The following FER1L6 variants were observed in gnomAD, a reference collection of about 807,000 sequenced individuals.
FER1L6 encodes fer-1 like family member 6.
FER1L6 carries 177 observed loss-of-function variants against 219.2 expected under a neutral mutation model. The ratio of observed to expected loss-of-function variants is 0.81; its 90% CI spans 0.71 to 0.91. The LOEUF (loss-of-function observed/expected upper bound fraction) is 0.91. FER1L6 is among the 40% of genes least tolerant of loss of function. The pLI is 0.00. For missense variants in FER1L6, 2,153 were observed against 2,259.9 expected, an observed-to-expected ratio of 0.95 and a Z score of 0.96; for synonymous variants, 768 against 824.3, an observed-to-expected ratio of 0.93 and a Z score of 1.17.
intron 1 of FER1L6, among the ~76,000 whole-genome samples, chr8:123,877,739 T>A (rs1817028912): frequency 6.7e-6 from 1 of 149,368 alleles, no homozygotes; most frequent in Non-Finnish European, 1.5e-5. Flanking sequence ...ACGCTTCCTT[T>A]AACTTTGGTT....
chr8:123,965,902 T>C (rs1052414593), intron 3 of FER1L6, 105 bp from the exon 4 acceptor site: 190 of 1,019,808 alleles, frequency 1.9e-4, no homozygotes, highest in Non-Finnish European at 2.6e-4. Context: ...ACAGAATATG[T>C]AATAATATTA....
chr8:124,063,111 G>T (rs1444799047), intron 25 of FER1L6, among the ~76,000 whole-genome samples: 4 of 152,104 alleles, frequency 2.6e-5, no homozygotes, highest in Non-Finnish European at 5.9e-5. Context: ...TCTTCCTTCT[G>T]TGATGCCAGT....
intron 13 of FER1L6, among the ~76,000 whole-genome samples, chr8:124,006,171 G>A (rs1817647337): frequency 6.6e-6 from 1 of 152,208 alleles, no homozygotes; most frequent in African/African-American, 2.4e-5. Flanking sequence ...CTGCATCTTT[G>A]CACTGGGGCC....
intron 19 of FER1L6, among the ~76,000 whole-genome samples, chr8:124,037,510 A>G (rs1280528081): frequency 6.6e-6 from 1 of 152,178 alleles, no homozygotes; most frequent in Non-Finnish European, 1.5e-5. Context: ...ACAGACTTAG[A>G]ATTGAGTCCA....
chr8:123,975,108 G>C, intron 7 of FER1L6, 42 bp from the exon 8 acceptor site: 1 of 1,506,646 alleles, frequency 6.6e-7, no homozygotes, highest in Non-Finnish European at 8.9e-7. Flanking sequence ...GGGCTGCTGG[G>C]CCCATCTGTG....
intron 39 of FER1L6, among the ~76,000 whole-genome samples, chr8:124,113,264 A>T (rs1823094765): frequency 6.6e-6 from 1 of 152,200 alleles, no homozygotes; most frequent in Non-Finnish European, 1.5e-5. Flanking sequence ...CCAAGATTCA[A>T]CACTTGCTAA....
At chr8:123,950,355 T>C (rs1814702460) in intron 1 of FER1L6, among the ~76,000 whole-genome samples, 2 of 152,340 alleles carry the variant, frequency 1.3e-5, no homozygotes, top group African/African-American at 4.8e-5. Context: ...GTGGGCACCG[T>C]TGGCATGCCC....
chr8:123,915,313 C>T (rs754193255), intron 1 of FER1L6, among the ~76,000 whole-genome samples: 1 of 151,846 alleles, frequency 6.6e-6, no homozygotes, highest in African/African-American at 2.4e-5. Flanking sequence ...GGGTGAGGGG[C>T]AGTTTGTCAT....
rs1216018423 is a variant in FER1L6, at chr8:123,977,525, G to A, written c.979G>A (p.Asp327Asn). Residue 327 changes from aspartate to asparagine, a missense_variant, in exon 10 of 41, where the codon GAT becomes AAT. Coordinates refer to ENST00000522917, the MANE Select transcript of FER1L6 (RefSeq NM_001039112.2). ...TCGGAGGGTGAAAATCCAGGTGTGG[G>A]ATGAAGGCAGCATGAATGACGTAGC... ...LCRRVKIQVW[D>N]EGSMNDVALA... 1.2e-6 allele frequency: 2 copies of A among 1,614,076 alleles called. No homozygotes were observed.
At chr8:123,952,283 A>C (rs1241262452) in intron 1 of FER1L6, among the ~76,000 whole-genome samples, 1 of 152,228 alleles carries the variant, frequency 6.6e-6, no homozygotes, top group Non-Finnish European at 1.5e-5. Context: ...CCCACACTCA[A>C]GCAGTCCAGC....
intron 1 of FER1L6, among the ~76,000 whole-genome samples, chr8:123,879,420 A>G (rs543912557): frequency 2.0e-5 from 3 of 152,038 alleles, no homozygotes; most frequent in Non-Finnish European, 4.4e-5. Flanking sequence ...TCTGCCTCCC[A>G]GGTTCAAGCG....
rs139370360 is a variant in FER1L6 at position 123,853,219 on chromosome 8, A to G, written c.-8+1034A>G. On this transcript the variant is annotated intron_variant, in intron 1 of 40. Transcript: ENST00000522917. This position sits in a 1 kb window ranked among gnomAD's most constrained non-coding sequence, Gnocchi z 6.6. ...GCCCAGGCTGGAGTGCAGTGGTACAATCTTGGCTCACTGCAGCCGCCACCT... is the reference window on the plus strand; with the variant it reads ...GCCCAGGCTGGAGTGCAGTGGTACAGTCTTGGCTCACTGCAGCCGCCACCT... 1.5e-3 allele frequency among the ~76,000 whole-genome samples: 223 copies of G among 152,256 alleles called. 1 individual carries two copies. The highest frequency in any genetic ancestry group is 5.0e-3 in the African/African-American group (207 of 41,554).
At chr8:124,071,924 C>T (rs1195771949) in intron 31 of FER1L6, among the ~76,000 whole-genome samples, 1 of 152,010 alleles carries the variant, frequency 6.6e-6, no homozygotes, top group East Asian at 1.9e-4. Flanking sequence ...AGACACTAGC[C>T]CTGTCATATT....
At chr8:124,044,472 C>A (rs1386154312) in intron 20 of FER1L6, among the ~76,000 whole-genome samples, 1 of 152,152 alleles carries the variant, frequency 6.6e-6, no homozygotes, top group African/African-American at 2.4e-5. Flanking sequence ...GGGCAAATGA[C>A]TTAATGCTGT....
intron 1 of FER1L6, among the ~76,000 whole-genome samples, chr8:123,943,005 C>G (rs1814325063): frequency 1.3e-5 from 2 of 152,190 alleles, no homozygotes; most frequent in Admixed American, 6.5e-5. Context: ...AGAGCACAGG[C>G]TTCTGGGCCA....
intron 1 of FER1L6, among the ~76,000 whole-genome samples, chr8:123,912,514 T>C (rs1194220238): frequency 2.7e-5 from 4 of 150,908 alleles, no homozygotes; most frequent in Non-Finnish European, 5.9e-5. Context: ...ATATAATTCA[T>C]TATAATACTA....
intron 1 of FER1L6, among the ~76,000 whole-genome samples, chr8:123,866,497 A>G (rs1464403131): frequency 2.0e-5 from 3 of 152,028 alleles, no homozygotes; most frequent in Non-Finnish European, 2.9e-5. Context: ...ATTTCTTTGG[A>G]TATATACCTA....
At chr8:124,058,614 T>C (rs1248939327) in intron 22 of FER1L6, among the ~76,000 whole-genome samples, 1 of 152,224 alleles carries the variant, frequency 6.6e-6, no homozygotes, top group Non-Finnish European at 1.5e-5. Flanking sequence ...TCTTTGGCCA[T>C]TTCCCAAGAC....
chr8:123,962,881 G>A (rs1815359396), intron 2 of FER1L6, among the ~76,000 whole-genome samples: 1 of 152,166 alleles, frequency 6.6e-6, no homozygotes, highest in South Asian at 2.1e-4. Flanking sequence ...ACTTGCCTCA[G>A]CTTCCCAAAG....
Sources: gnomAD v4.1 joint callset for allele counts (sites outside exome capture counted in the v4.1 genomes callset) on GRCh38, gnomAD v4.1.1 for gene constraint, Gnocchi (gnomAD v3.1) non-coding constraint, MANE v1.5 for transcripts, NCBI Gene and HGNC (gene_info 2026-07-23, HGNC 2026-07-21) for gene names.